Variants in PDLIM2 observed in about 807,000 individuals in gnomAD.
PDLIM2 encodes PDZ and LIM domain protein 2.
PDLIM2 carries 51 observed loss-of-function variants against 54.1 expected under a neutral mutation model. The ratio of observed to expected loss-of-function variants is 0.94; its 90% CI spans 0.75 to 1.19. PDLIM2 has a LOEUF of 1.19. Among genes scored for constraint, PDLIM2 ranks in the 50% most tolerant of loss-of-function variants. The pLI is 0.00. For synonymous variants in PDLIM2, 398 were observed against 385.6 expected (o/e 1.03, Z -0.38); for missense variants, 912 against 874.0 (o/e 1.04, Z -0.55).
exon 1 of PDLIM2, chr8:22,579,156 G>T (rs752486505): frequency 3.0e-6 from 4 of 1,330,840 alleles, no homozygotes; most frequent in Non-Finnish European, 2.9e-6. Context: ...CAGCGGGAGC[G>T]GTGGCGTCTC....
exon 5 of PDLIM2, chr8:22,585,104 C>T (rs1367876425): frequency 6.2e-7 from 1 of 1,613,956 alleles, no homozygotes; most frequent in South Asian, 1.1e-5. Flanking sequence ...GGCCGGCAGC[C>T]CCTTCTCACC....
chr8:22,580,753 T>TG, intron 2 of PDLIM2, 56 bp downstream of exon 1: 1 of 1,549,672 alleles, frequency 6.5e-7, no homozygotes. Context: ...AGGTCGGCCC[T>TG]GTTCACCCCA....
intron 2 of PDLIM2, 166 bp from the exon 2 acceptor site, chr8:22,581,213 G>T: frequency 1.2e-6 from 1 of 866,120 alleles, no homozygotes. Flanking sequence ...TGCGCTCCTG[G>T]AGGGGATGGC....
Position 22,585,063 on chromosome 8 carries a change from C to G in PDLIM2, c.1112C>G (p.Ser371Cys), listed in dbSNP as rs2294048. ...GAGAGTCAGTCCTCCTTAAGGTCCTCCTACTCCAGCCCAACCTCCCTCAGC... is the reference window on the plus strand; with the variant it reads ...GAGAGTCAGTCCTCCTTAAGGTCCTGCTACTCCAGCCCAACCTCCCTCAGC... Residue 371 changes from serine to cysteine, a missense_variant, in exon 5 of 10, where the codon TCC (serine) becomes TGC (cysteine). Ser to Cys is a moderately radical substitution (Grantham distance 112, BLOSUM62 -1). Transcript: ENST00000308354. 4.5e-5 allele frequency: 72 copies of G among 1,613,942 alleles called. 1 individual carries two copies. Among genetic ancestry groups the G allele is most frequent in the Non-Finnish European group, 6.0e-5 (71 of 1,180,032 alleles).
intron 8 of PDLIM2, 172 bp downstream of exon 7, chr8:22,589,913 CGGTCCGGGAG>C (rs3830696): frequency 0.26 from 214,548 of 836,214 alleles, 33,268 homozygotes; most frequent in South Asian, 0.36. Flanking sequence ...AAGGAGCTGA[CGGTCCGGGAG>C]GGTCCGGGAG....
intron 1 of PDLIM2, chr8:22,579,623 A>G: frequency 7.6e-7 from 1 of 1,309,158 alleles, no homozygotes; most frequent in Non-Finnish European, 9.8e-7. Flanking sequence ...AGGGGAAGGC[A>G]GCCGGGGATG....
chr8:22,589,055 C>G (rs1253115287), intron 6 of PDLIM2: 6 of 580,496 alleles, frequency 1.0e-5, no homozygotes, highest in Non-Finnish European at 1.8e-5. Flanking sequence ...ATGCCTCCCT[C>G]CCTCTCTGGA....
chr8:22,580,336 G>T, intron 1 of PDLIM2, 139 bp from the exon 1 acceptor site: 1 of 693,564 alleles, frequency 1.4e-6, no homozygotes, highest in Non-Finnish European at 2.2e-6. Flanking sequence ...CTGGCAGCCT[G>T]GGCAGCCCCC....
At chr8:22,581,473 C>A (rs1337630752) in exon 3 of PDLIM2, 3 of 1,605,748 alleles carry the variant, frequency 1.9e-6, no homozygotes, top group Non-Finnish European at 2.5e-6. Context: ...ATGCTGCATG[C>A]CGAGGCCCAG....
exon 8 of PDLIM2, chr8:22,589,600 G>C: frequency 1.9e-6 from 3 of 1,602,366 alleles, no homozygotes; most frequent in Non-Finnish European, 2.6e-6. Context: ...CTGCAGCATG[G>C]ACTCGGAAGG....
At chr8:22,581,972 G>C (rs556170155) in intron 3 of PDLIM2, among the ~76,000 whole-genome samples, 1 of 152,340 alleles carries the variant, frequency 6.6e-6, no homozygotes, top group Admixed American at 6.5e-5. Context: ...TGAGGACTTG[G>C]GGGGCTCATT....
intron 8 of PDLIM2, chr8:22,590,480 C>A (rs1399437084): frequency 2.0e-5 from 3 of 152,242 alleles, no homozygotes; most frequent in Non-Finnish European, 4.4e-5. Context: ...TGGCCAGCTC[C>A]CATGGAAGTG....
intron 9 of PDLIM2, 177 bp downstream of exon 8, chr8:22,591,845 T>A: frequency 1.8e-6 from 1 of 562,732 alleles, no homozygotes; most frequent in Non-Finnish European, 3.1e-6. Flanking sequence ...ACAGGCTTCT[T>A]AGGAGCCTAG....
At chr8:22,584,339 C>G (rs147553640) in intron 3 of PDLIM2, among the ~76,000 whole-genome samples, 1 of 151,910 alleles carries the variant, frequency 6.6e-6, no homozygotes, top group Non-Finnish European at 1.5e-5. Flanking sequence ...GACAGAATCT[C>G]GCTGTGTTGC....
At chr8:22,579,336 G>C in exon 1 of PDLIM2, 16 of 1,460,526 alleles carry the variant, frequency 1.1e-5, no homozygotes, top group Non-Finnish European at 1.4e-5. Context: ...CCAGCTCCCT[G>C]GAGCCTCGCA....
intron 6 of PDLIM2, among the ~76,000 whole-genome samples, chr8:22,587,320 C>T (rs1800406924): frequency 6.6e-6 from 1 of 152,016 alleles, no homozygotes; most frequent in Non-Finnish European, 1.5e-5. Context: ...ATTGCTTGAG[C>T]CCAGGAGTCC....
chr8:22,596,727 G>C (rs906242921), downstream of PDLIM2: 1 of 152,246 alleles, frequency 6.6e-6, no homozygotes, highest in African/African-American at 2.4e-5. Flanking sequence ...TTCCAAAGCT[G>C]CACAGCTAGA....
At chr8:22,590,039 G>C in intron 8 of PDLIM2, 1 of 403,776 alleles carries the variant, frequency 2.5e-6, no homozygotes, top group Non-Finnish European at 4.5e-6. Context: ...GGGCCTCCAG[G>C]GAGGGCTTCT....
chr8:22,580,886 C>T, intron 2 of PDLIM2, 189 bp downstream of exon 1: 1 of 742,720 alleles, frequency 1.3e-6, no homozygotes, highest in South Asian at 1.5e-5. Flanking sequence ...CAGGAACAGA[C>T]CTTGGGAGTG....
Sources: allele counts gnomAD v4.1 joint callset (sites outside exome capture counted in the v4.1 genomes callset), GRCh38; gene constraint gnomAD v4.1.1; transcripts MANE v1.5; gene names NCBI Gene and HGNC (gene_info 2026-07-23, HGNC 2026-07-21).